Variants in SUGCT observed in about 807,000 individuals in gnomAD.
The protein encoded by SUGCT is succinyl-CoA:glutarate-CoA transferase.
Under a neutral mutation model 55.0 loss-of-function variants are expected in SUGCT, and 41 were observed. The ratio of observed to expected loss-of-function variants is 0.74; its 90% confidence interval spans 0.58 to 0.97. The LOEUF is 0.97. SUGCT is among the 50% of genes least tolerant of loss of function. The probability of loss-of-function intolerance (pLI) is 0.00; values close to 1 mark genes in which losing one functional copy is unlikely to be tolerated. For synonymous variants in SUGCT, 187 were observed against 200.4 expected, an observed-to-expected ratio of 0.93 and a Z score of 0.56; for missense variants, 568 against 547.8, an observed-to-expected ratio of 1.04 and a Z score of -0.37.
At chr7:40,437,773 T>C (rs1214515687) in intron 9 of SUGCT, among the ~76,000 whole-genome samples, 2 of 152,170 alleles carry the variant, frequency 1.3e-5, no homozygotes, top group African/African-American at 4.8e-5. Context: ...TAAGTTAAAC[T>C]TCATGGAATG....
intron 12 of SUGCT, among the ~76,000 whole-genome samples, chr7:40,517,203 A>G (rs1469623871): frequency 6.8e-6 from 1 of 147,974 alleles, no homozygotes; most frequent in African/African-American, 2.5e-5. Flanking sequence ...ATCATGCTAA[A>G]CTCACTTATT....
intron 11 of SUGCT, among the ~76,000 whole-genome samples, chr7:40,460,326 G>A (rs997708538): frequency 4.6e-5 from 7 of 152,162 alleles, no homozygotes; most frequent in African/African-American, 1.7e-4. Context: ...ACAGAATGGG[G>A]GATGGAGAAC....
chr7:40,535,247 T>C (rs926115017), intron 12 of SUGCT, among the ~76,000 whole-genome samples: 1 of 152,176 alleles, frequency 6.6e-6, no homozygotes, highest in Non-Finnish European at 1.5e-5. Flanking sequence ...GGGTTACAAA[T>C]GATTCCATCA....
intron 9 of SUGCT, among the ~76,000 whole-genome samples, chr7:40,344,919 A>C (rs1198565589): frequency 6.6e-6 from 1 of 152,176 alleles, no homozygotes; most frequent in Non-Finnish European, 1.5e-5. Flanking sequence ...GAACCGTATA[A>C]AGTGTTTAGC....
intron 11 of SUGCT, among the ~76,000 whole-genome samples, chr7:40,470,593 T>A (rs1790351621): frequency 6.6e-6 from 1 of 152,140 alleles, no homozygotes; most frequent in African/African-American, 2.4e-5. Flanking sequence ...TTTTCCCCAG[T>A]TCACACAGCT....
At chr7:40,334,189 G>A (rs1048328616) in intron 9 of SUGCT, among the ~76,000 whole-genome samples, 27 of 152,180 alleles carry the variant, frequency 1.8e-4, no homozygotes, top group African/African-American at 6.5e-4. Context: ...CTTTGCTATT[G>A]TGAATAGTGC....
intron 9 of SUGCT, among the ~76,000 whole-genome samples, chr7:40,416,883 G>T (rs1336179214): frequency 9.9e-5 from 15 of 151,934 alleles, no homozygotes; most frequent in Admixed American, 9.8e-4. Flanking sequence ...AGTCTGTCTG[G>T]AACTAGTGCC....
chr7:40,478,422 T>C (rs925480840), intron 11 of SUGCT, among the ~76,000 whole-genome samples: 2 of 152,202 alleles, frequency 1.3e-5, no homozygotes, highest in Non-Finnish European at 1.5e-5. Context: ...GAATCATCAT[T>C]ATGTGCTTTT....
chr7:40,450,478 A>C (rs575568163), intron 10 of SUGCT, among the ~76,000 whole-genome samples: 1 of 150,778 alleles, frequency 6.6e-6, no homozygotes, highest in African/African-American at 2.4e-5. Flanking sequence ...CAGTGTTATT[A>C]AAGATGACTA....
intron 13 of SUGCT, among the ~76,000 whole-genome samples, chr7:40,806,446 T>C (rs2128753593): frequency 6.6e-6 from 1 of 152,308 alleles, no homozygotes; most frequent in African/African-American, 2.4e-5. Context: ...ATCATTGTAA[T>C]CTTCCCTGTC....
At chr7:40,598,040 A>G (rs1397007526) in intron 12 of SUGCT, among the ~76,000 whole-genome samples, 3 of 152,148 alleles carry the variant, frequency 2.0e-5, no homozygotes, top group Admixed American at 1.3e-4. Flanking sequence ...CCTTTTCTCC[A>G]TCTCTGTCAC....
the SUGCT span, among the ~76,000 whole-genome samples, chr7:40,972,326 C>T: frequency 1.4e-3 from 207 of 152,234 alleles, 1 homozygote; most frequent in African/African-American, 4.7e-3. Context: ...GTCTGGGATT[C>T]GATTTTACAC....
intron 10 of SUGCT, among the ~76,000 whole-genome samples, chr7:40,458,063 C>G (rs745725695): frequency 1.3e-5 from 2 of 152,206 alleles, no homozygotes; most frequent in Non-Finnish European, 2.9e-5. Flanking sequence ...AAAAATTACA[C>G]CACTGAGATG....
intron 13 of SUGCT, among the ~76,000 whole-genome samples, chr7:40,752,945 A>C (rs113403937): frequency 0.01 from 1,555 of 152,272 alleles, 15 homozygotes; most frequent in Middle Eastern, 0.024. Context: ...TAGAATTATC[A>C]ATATGGGAAT....
At chr7:40,862,019 C>A (rs1349918775), downstream of SUGCT, among the ~76,000 whole-genome samples, 5 of 152,180 alleles carry the variant, frequency 3.3e-5, no homozygotes, top group African/African-American at 1.2e-4. Context: ...GATTAGATGG[C>A]AGAGAATTGG....
the SUGCT span, among the ~76,000 whole-genome samples, chr7:40,951,293 A>T: frequency 6.6e-6 from 1 of 151,950 alleles, no homozygotes; most frequent in Admixed American, 6.6e-5. Context: ...TTTCTGTAGG[A>T]TCGGTGGTGA....
At position 40,570,986 on chromosome 7, in the gene SUGCT, A is replaced by C. The variant is rs191479758; in HGVS notation, c.1089+74600A>C. ...GCGATTCTCCTGCCTCAGCCTCCCG[A>C]GTAGCTGAGATTACAGGCACCTGCC... On this transcript the variant is annotated intron_variant, in intron 12 of 13. Coordinates refer to ENST00000335693, the MANE Select transcript of SUGCT (RefSeq NM_001193313.2). 3.0e-3 allele frequency among the ~76,000 whole-genome samples: 446 copies of C among 149,226 alleles called. 7 individuals carry two copies. In the East Asian group the frequency reaches 0.031, roughly 10 times the overall value.
At chr7:40,244,689 C>G (rs977961921) in intron 7 of SUGCT, among the ~76,000 whole-genome samples, 2 of 152,202 alleles carry the variant, frequency 1.3e-5, no homozygotes, top group Non-Finnish European at 2.9e-5. Context: ...ATTGCTCTTA[C>G]ATTGCTGTCA....
At chr7:40,242,933 A>ATATATATATATGTATATTTTT (rs1270335224) in intron 7 of SUGCT, among the ~76,000 whole-genome samples, 2 of 17,204 alleles carry the variant, frequency 1.2e-4, no homozygotes, top group African/African-American at 3.0e-4. Flanking sequence ...ATATATATAT[A>ATATATATATATGTATATTTTT]TTTTTTTTTT....
Sources: gnomAD v4.1 joint callset for allele counts (sites outside exome capture counted in the v4.1 genomes callset) on GRCh38, gnomAD v4.1.1 for gene constraint, MANE v1.5 for transcripts, NCBI Gene and HGNC (gene_info 2026-07-23, HGNC 2026-07-21) for gene names.